Variants in NTM observed in about 807,000 individuals in gnomAD.
NTM encodes neurotrimin, also known as IgLON family member 2.
In NTM, 13 loss-of-function variants were observed where a neutral mutation model predicts 42.1. The observed-to-expected ratio is 0.31, with a 90% CI of 0.20 to 0.49. The LOEUF (loss-of-function observed/expected upper bound fraction) is 0.49, where lower values mean the gene tolerates loss of function less well. NTM is among the 20% of genes least tolerant of loss of function. The probability of loss-of-function intolerance (pLI) is 0.99; values close to 1 mark genes in which losing one functional copy is unlikely to be tolerated. For missense variants in NTM, 373 were observed against 452.8 expected (o/e 0.82, Z 1.60); for synonymous variants, 187 against 179.2 (o/e 1.04, Z -0.35).
chr11:132,234,099 T>C (rs529088984), intron 4 of NTM, among the ~76,000 whole-genome samples: 1 of 152,332 alleles, frequency 6.6e-6, no homozygotes, highest in East Asian at 1.9e-4. Context: ...CTGCCCACTT[T>C]GGCTTTTTTG....
chr11:131,843,026 A>C (rs1369241151), intron 1 of NTM, among the ~76,000 whole-genome samples: 1 of 152,038 alleles, frequency 6.6e-6, no homozygotes, highest in Non-Finnish European at 1.5e-5. Flanking sequence ...TAAATAAATA[A>C]ATAAATAAAT....
chr11:132,089,235 A>G (rs151109391), intron 2 of NTM, among the ~76,000 whole-genome samples: 1 of 152,164 alleles, frequency 6.6e-6, no homozygotes, highest in African/African-American at 2.4e-5. Context: ...TGACTGGTGC[A>G]CTTTGGCTTT....
At chr11:131,508,642 C>A (rs1405137422) in intron 1 of NTM, among the ~76,000 whole-genome samples, 3 of 150,474 alleles carry the variant, frequency 2.0e-5, no homozygotes, top group Admixed American at 6.6e-5. Context: ...ACCCAAATGT[C>A]CAACAATGAT....
intron 2 of NTM, among the ~76,000 whole-genome samples, chr11:131,916,507 T>C (rs57314658): frequency 0.14 from 20,764 of 152,140 alleles, 1,634 homozygotes; most frequent in Admixed American, 0.25. Context: ...GAAATGTATG[T>C]AATTTTGGTT....
At chr11:131,934,826 G>T (rs560466088) in intron 2 of NTM, among the ~76,000 whole-genome samples, 6 of 152,332 alleles carry the variant, frequency 3.9e-5, no homozygotes, top group African/African-American at 1.4e-4. Context: ...ATAGACAATG[G>T]GGAGAGGTGG....
intron 1 of NTM, among the ~76,000 whole-genome samples, chr11:131,787,869 G>T (rs906975773): frequency 6.6e-6 from 1 of 152,162 alleles, no homozygotes; most frequent in Non-Finnish European, 1.5e-5. Flanking sequence ...ATGAATTTTG[G>T]TAGTTAGCAT....
intron 1 of NTM, among the ~76,000 whole-genome samples, chr11:131,789,351 AT>A (rs1371463204): frequency 3.8e-5 from 2 of 53,250 alleles, no homozygotes; most frequent in African/African-American, 6.0e-4. Flanking sequence ...GAATTTAAAA[AT>A]AATAATAATA....
At chr11:132,095,900 ACT>A (rs1475987169) in intron 2 of NTM, among the ~76,000 whole-genome samples, 8 of 151,898 alleles carry the variant, frequency 5.3e-5, no homozygotes, top group Admixed American at 5.2e-4. Context: ...GGCCAAAAAG[ACT>A]CTTCTCGTGT....
intron 1 of NTM, among the ~76,000 whole-genome samples, chr11:131,629,802 CT>C (rs2063480131): frequency 6.6e-6 from 1 of 152,206 alleles, no homozygotes. Context: ...AGGAGTGTAT[CT>C]GTTAGGACTA....
chr11:131,786,145 A>T (rs2089162455), intron 1 of NTM, among the ~76,000 whole-genome samples: 1 of 152,172 alleles, frequency 6.6e-6, no homozygotes, highest in Non-Finnish European at 1.5e-5. Context: ...TTTGCTTAAG[A>T]CCTCAAAGTT....
chr11:132,113,528 T>C (rs952250885), intron 2 of NTM, among the ~76,000 whole-genome samples: 21 of 152,196 alleles, frequency 1.4e-4, no homozygotes, highest in African/African-American at 4.8e-4. Context: ...AGCTCTGGCA[T>C]GCACTGGATT....
intron 2 of NTM, among the ~76,000 whole-genome samples, chr11:131,982,649 A>G (rs1156719582): frequency 6.6e-6 from 1 of 152,192 alleles, no homozygotes; most frequent in Admixed American, 6.5e-5. Flanking sequence ...GAATAAAGGG[A>G]AAAATTATTG....
intron 1 of NTM, among the ~76,000 whole-genome samples, chr11:131,814,499 A>ATGGC (rs2092867602): frequency 6.6e-6 from 1 of 152,214 alleles, no homozygotes; most frequent in Admixed American, 6.5e-5. Context: ...ACGGTTTCAG[A>ATGGC]TGGCAGTACA....
intron 1 of NTM, chr11:131,877,676 A>T (rs2048736589): frequency 6.6e-6 from 1 of 152,250 alleles, no homozygotes; most frequent in African/African-American, 2.4e-5. Context: ...ATCAGAAACC[A>T]TAAAATGTCT....
intron 3 of NTM, among the ~76,000 whole-genome samples, chr11:132,169,094 G>T (rs936270570): frequency 2.0e-5 from 3 of 151,974 alleles, no homozygotes; most frequent in African/African-American, 7.2e-5. Context: ...TTGAGTCAAA[G>T]GTTATAATCA....
chr11:131,809,163 G>T (rs1313655910), intron 1 of NTM, among the ~76,000 whole-genome samples: 1 of 152,222 alleles, frequency 6.6e-6, no homozygotes, highest in Non-Finnish European at 1.5e-5. Flanking sequence ...TTTGGTGATA[G>T]ATGCTCAACA....
At chr11:131,529,133 A>AT (rs2050896582) in intron 1 of NTM, among the ~76,000 whole-genome samples, 1 of 152,178 alleles carries the variant, frequency 6.6e-6, no homozygotes, top group Non-Finnish European at 1.5e-5. Context: ...TCTGCTAAAC[A>AT]GATGTTTTGG....
At chr11:131,671,637 C>G in intron 1 of NTM, 2 of 979,992 alleles carry the variant, frequency 2.0e-6, no homozygotes, top group Non-Finnish European at 2.4e-6. Flanking sequence ...GCTCAGAGCC[C>G]TGTGAGAACC....
intron 1 of NTM, among the ~76,000 whole-genome samples, chr11:131,520,180 TG>T (rs2049442076): frequency 6.6e-6 from 1 of 152,226 alleles, no homozygotes; most frequent in African/African-American, 2.4e-5. Context: ...CCTTTAGCGC[TG>T]GCAAAGAAGG....
Sources: allele counts gnomAD v4.1 joint callset (sites outside exome capture counted in the v4.1 genomes callset), GRCh38; gene constraint gnomAD v4.1.1; transcripts MANE v1.5; gene names NCBI Gene and HGNC (gene_info 2026-07-23, HGNC 2026-07-21).